Variants in PID1 observed in about 807,000 individuals in gnomAD.
PID1 encodes phosphotyrosine interaction domain containing 1.
A neutral mutation model predicts 19.1 loss-of-function variants in PID1; 10 were observed. That is an observed-to-expected ratio of 0.52 (90% CI 0.32 to 0.89). PID1 has a LOEUF of 0.89. Ranked by LOEUF, PID1 falls within the 40% of genes least tolerant of loss-of-function variation. The pLI is 0.03. For missense variants in PID1, 248 were observed against 285.3 expected, an observed-to-expected ratio of 0.87 and a Z score of 0.94; for synonymous variants, 130 against 116.0, an observed-to-expected ratio of 1.12 and a Z score of -0.78.
rs557138121 is a variant in PID1, at chr2:229,232,222, G to A, written c.30+38792C>T. The A allele has an allele frequency of 5.5e-6, 6 of 1,083,940 alleles. No homozygotes were observed. In the South Asian group the frequency reaches 1.0e-4, roughly 18 times the overall value. 67.1% of individuals were successfully genotyped at this position (1,083,940 alleles called of 1,614,324 possible). On this transcript the variant is annotated intron_variant, in intron 1 of 2. Coordinates refer to ENST00000392055, the MANE Select transcript of PID1 (RefSeq NM_001100818.2). ...TCAGATCATGAAGTCAGGAGATCAA[G>A]ACCATCCTGGCTAACACAGTGAAAC...
intron 2 of PID1, among the ~76,000 whole-genome samples, chr2:229,075,155 G>C (rs1225557457): frequency 6.6e-6 from 1 of 152,164 alleles, no homozygotes; most frequent in Non-Finnish European, 1.5e-5. Context: ...TAAAAATAAA[G>C]TATTGAATAT....
chr2:229,216,758 G>A (rs1439672266), intron 1 of PID1, among the ~76,000 whole-genome samples: 4 of 152,080 alleles, frequency 2.6e-5, no homozygotes, highest in African/African-American at 9.7e-5. Context: ...TTTCAAAAGA[G>A]AAAACTAATA....
At chr2:229,033,883 C>T (rs1274750603) in intron 2 of PID1, among the ~76,000 whole-genome samples, 1 of 152,146 alleles carries the variant, frequency 6.6e-6, no homozygotes, top group African/African-American at 2.4e-5. Flanking sequence ...TCAAGCTCTT[C>T]TTCCATCACA....
chr2:229,092,295 TAGAC>T (rs1694892291), intron 2 of PID1, among the ~76,000 whole-genome samples: 1 of 152,114 alleles, frequency 6.6e-6, no homozygotes, highest in African/African-American at 2.4e-5. Context: ...CTGTAAGAAG[TAGAC>T]AGTCTATTCT....
At chr2:229,207,396 C>A (rs989447864) in intron 1 of PID1, among the ~76,000 whole-genome samples, 1 of 151,638 alleles carries the variant, frequency 6.6e-6, no homozygotes, top group Non-Finnish European at 1.5e-5. Flanking sequence ...AGTATTAGCA[C>A]AGGATGAAAT....
At chr2:229,121,711 G>T (rs373135716) in intron 2 of PID1, among the ~76,000 whole-genome samples, 1 of 152,150 alleles carries the variant, frequency 6.6e-6, no homozygotes, top group Non-Finnish European at 1.5e-5. Flanking sequence ...GTGTATGGAG[G>T]GGGGAGGTAT....
chr2:229,093,035 G>C (rs1484439624), intron 2 of PID1, among the ~76,000 whole-genome samples: 1 of 152,094 alleles, frequency 6.6e-6, no homozygotes, highest in Non-Finnish European at 1.5e-5. Context: ...CTCACTGTCA[G>C]TCTCCTTCAC....
intron 1 of PID1, among the ~76,000 whole-genome samples, chr2:229,198,120 T>A (rs1438914706): frequency 3.9e-5 from 6 of 152,066 alleles, no homozygotes; most frequent in Non-Finnish European, 8.8e-5. Context: ...TCTTAGCTTT[T>A]CAAACAAATA....
chr2:229,158,714 G>A (rs190254822), intron 1 of PID1, among the ~76,000 whole-genome samples: 255 of 152,238 alleles, frequency 1.7e-3, no homozygotes, highest in Non-Finnish European at 2.7e-3. Flanking sequence ...ACACAAGACT[G>A]AAAGAAGTGG....
At chr2:229,079,819 C>A (rs561346331) in intron 2 of PID1, among the ~76,000 whole-genome samples, 2 of 152,282 alleles carry the variant, frequency 1.3e-5, no homozygotes, top group Admixed American at 1.3e-4. Flanking sequence ...AATTATTGTG[C>A]CCCCATTATA....
At chr2:229,144,416 T>C (rs1690083104) in intron 2 of PID1, among the ~76,000 whole-genome samples, 1 of 152,158 alleles carries the variant, frequency 6.6e-6, no homozygotes, top group African/African-American at 2.4e-5. Context: ...AACATATTGA[T>C]AGTCATACGC....
intron 1 of PID1, chr2:229,228,062 T>A (rs781045636): frequency 2.2e-6 from 1 of 455,744 alleles, no homozygotes; most frequent in African/African-American, 2.0e-5. Context: ...GCAGCAGCCA[T>A]CCTGCAACCA....
intron 2 of PID1, among the ~76,000 whole-genome samples, chr2:229,110,889 C>G (rs890507782): frequency 3.3e-5 from 5 of 152,094 alleles, no homozygotes; most frequent in African/African-American, 7.2e-5. Flanking sequence ...TATGGTTTGG[C>G]TATGTCCCCA....
At chr2:229,157,708 T>C (rs1246270102) in intron 1 of PID1, among the ~76,000 whole-genome samples, 2 of 152,192 alleles carry the variant, frequency 1.3e-5, no homozygotes, top group African/African-American at 4.8e-5. Flanking sequence ...CAAGAGGCTA[T>C]GCATTGGAAC....
chr2:229,147,335 C>T (rs1025999540), intron 2 of PID1, among the ~76,000 whole-genome samples: 9 of 152,070 alleles, frequency 5.9e-5, no homozygotes, highest in African/African-American at 2.2e-4. Context: ...TTAATTATTA[C>T]TTTTTAAAAC....
At chr2:229,248,273 A>T (rs1271063506) in intron 1 of PID1, among the ~76,000 whole-genome samples, 1 of 151,828 alleles carries the variant, frequency 6.6e-6, no homozygotes, top group African/African-American at 2.4e-5. Context: ...TTTCTCTTTC[A>T]TGGTACTGAT....
intron 2 of PID1, among the ~76,000 whole-genome samples, chr2:229,139,785 GA>G (rs1689973168): frequency 6.6e-6 from 1 of 152,080 alleles, no homozygotes; most frequent in Non-Finnish European, 1.5e-5. Context: ...TCTCTCCCTT[GA>G]TATAATAAGG....
chr2:229,155,361 TCGAGACCATCCTAGCTAACATGG>T (rs956121898), intron 2 of PID1, among the ~76,000 whole-genome samples: 9 of 151,968 alleles, frequency 5.9e-5, no homozygotes, highest in African/African-American at 2.2e-4. Flanking sequence ...GGTCAGGAGA[TCGAGACCATCCTAGCTAACATGG>T]TGAAACCCCG....
At chr2:229,206,115 T>C (rs924383927) in intron 1 of PID1, among the ~76,000 whole-genome samples, 1 of 152,106 alleles carries the variant, frequency 6.6e-6, no homozygotes, top group East Asian at 1.9e-4. Flanking sequence ...GACCAAAAAA[T>C]ATAAGTATAC....
Sources: gnomAD v4.1 joint callset for allele counts (sites outside exome capture counted in the v4.1 genomes callset) on GRCh38, gnomAD v4.1.1 for gene constraint, MANE v1.5 for transcripts, NCBI Gene and HGNC (gene_info 2026-07-23, HGNC 2026-07-21) for gene names.